AOC1: variants seen among roughly 807,000 people sequenced by gnomAD.
AOC1 encodes the protein diamine oxidase [copper-containing].
In AOC1, 58 loss-of-function variants were observed where a neutral mutation model predicts 57.1. The ratio of observed to expected loss-of-function variants is 1.02; its 90% CI spans 0.82 to 1.26. The LOEUF (loss-of-function observed/expected upper bound fraction) is 1.26. Ranked by LOEUF, AOC1 falls within the 50% of genes most tolerant of loss-of-function variation. The pLI is 0.00. For synonymous variants in AOC1, 401 were observed against 423.4 expected (o/e 0.95, Z 0.65); for missense variants, 917 against 1,005.3 (o/e 0.91, Z 1.19).
chr7:150,855,894 G>T (rs1799754393), intron 1 of AOC1, among the ~76,000 whole-genome samples: 1 of 151,410 alleles, frequency 6.6e-6, no homozygotes, highest in South Asian at 2.1e-4. Flanking sequence ...GAACATGAAG[G>T]CCCAGAGAGT....
Position 150,861,185 on chromosome 7 carries a change from C to G in AOC1, c.2232C>G (p.Tyr744Ter). Residue 744 changes from tyrosine (Y) to a stop codon, truncating the protein, a stop_gained, in exon 5 of 5, where the codon TAC (tyrosine) becomes TAG (stop). Transcript: ENST00000360937. LOFTEE classifies it high-confidence loss of function. The surrounding 1 kb of genome is among the most constrained non-coding windows in gnomAD (Gnocchi z 4.5). ...RDCSMPPPFS[Y>*]NGTYRPV ...GCTCGATGCCTCCCCCTTTTAGCTACAATGGGACCTATAGACCTGTGTGAC... is the reference window on the plus strand; with the variant it reads ...GCTCGATGCCTCCCCCTTTTAGCTAGAATGGGACCTATAGACCTGTGTGAC... 6.2e-7 allele frequency: 1 copy of G among 1,604,086 alleles called. No individual in the cohort carries two copies. The highest frequency in any genetic ancestry group is 1.1e-5 in the South Asian group (1 of 90,036).
rs764933835 is a variant in AOC1 at position 150,857,507 on chromosome 7, T to C, written c.1037T>C (p.Ile346Thr). The C allele has an allele frequency of 1.2e-6, 2 of 1,613,842 alleles. No homozygotes were observed. The highest frequency in any genetic ancestry group is 2.2e-5 in the East Asian group (1 of 44,872). ...VLNVHFGGER[I>T]AYEVSVQEAV... ...AACGTGCACTTCGGCGGAGAGCGCA[T>C]TGCCTATGAGGTCAGCGTGCAAGAG... Residue 346 changes from isoleucine to threonine, a missense_variant, in exon 2 of 5, where the codon ATT becomes ACT. Physicochemically the swap from Ile to Thr is moderately conservative, Grantham distance 89. Transcript: ENST00000360937. The surrounding 1 kb of genome is among the most constrained non-coding windows in gnomAD (Gnocchi z 6.6).
chr7:150,860,794 G>A, intron 4 of AOC1, 149 bp from the exon 5 acceptor site: 1 of 1,356,744 alleles, frequency 7.4e-7, no homozygotes, highest in Non-Finnish European at 1.0e-6. Flanking sequence ...AAGTTCAGAG[G>A]TCACAACAGA....
In AOC1 at chr7:150,858,995, C is replaced by T. The variant is rs201668738; in HGVS notation, c.1803C>T (p.Ala601=). 1,128 of 1,595,248 alleles carry T rather than the reference C, an allele frequency of 7.1e-4. 4 individuals carry two copies. The highest frequency in any genetic ancestry group is 9.2e-4 in the Non-Finnish European group (1,070 of 1,166,144). Residue 601 remains alanine, a synonymous_variant, in exon 3 of 5, where the codon GCC becomes GCT. Coordinates refer to ENST00000360937, the MANE Select transcript of AOC1 (RefSeq NM_001091.4). ...ACCGCCTGCAGATCCACTCCATGGC[C>T]GACCAGGTGCTGCCCCCAGGCTGGC... ...RTYRLQIHSM[A]DQVLPPGWQE... is the part of the protein sequence containing the mutation.
In AOC1 at chr7:150,856,947, C is replaced by T. The variant is rs371090794; in HGVS notation, c.477C>T (p.Thr159=). 244 of 1,614,160 alleles carry T rather than the reference C, an allele frequency of 1.5e-4. No individual in the cohort carries two copies. The African/African-American group carries it at 2.7e-3, about 18-fold the overall frequency. The change falls in exon 2 of 5, where the codon ACC becomes ACT. Residue 159 remains threonine (T), a synonymous_variant. Transcript: ENST00000360937. The surrounding 1 kb of genome is among the most constrained non-coding windows in gnomAD (Gnocchi z 5.2). ...ALLYHTLQEA[T]KPLHQFFLNT... ...TCTACCACACCCTGCAGGAAGCCAC[C>T]AAGCCCCTGCATCAGTTCTTCCTCA...
At chr7:150,860,428 G>A (rs767282755) in intron 3 of AOC1, 73 bp from the exon 4 acceptor site, 21 of 1,607,944 alleles carry the variant, frequency 1.3e-5, no homozygotes, top group Non-Finnish European at 1.6e-5. Context: ...TGACCCTGAG[G>A]CTGTTCCCTG....
chr7:150,861,279 C>A lies in AOC1; in HGVS notation c.*70C>A, dbSNP rs564477233. 6 of 1,467,428 alleles carry A rather than the reference C, an allele frequency of 4.1e-6. No homozygotes were observed. In the East Asian group the frequency reaches 9.5e-5, roughly 23 times the overall value. 90.9% of individuals were successfully genotyped at this position (1,467,428 alleles called of 1,614,324 possible). On this transcript the variant is annotated 3_prime_UTR_variant, in exon 5 of 5. Coordinates refer to ENST00000360937, the MANE Select transcript of AOC1 (RefSeq NM_001091.4). This position sits in a 1 kb window ranked among gnomAD's most constrained non-coding sequence, Gnocchi z 4.5. ...GCCTCACTGGGGCAGACAATAAACC[C>A]TCAGAGCCTCGCTCTGTGTGCTGCT...
In AOC1 at chr7:150,857,931, C is replaced by T. The variant is rs1331583587; in HGVS notation, c.1461C>T (p.Ala487=). ...TGCATGCCACTGGCTACGTCCACGC[C>T]ACCTTCTACACCCCCGAGGGGCTGC... The part of the protein sequence containing the change: ...AKMHATGYVH[A]TFYTPEGLRH... Residue 487 remains alanine, a synonymous_variant, in exon 2 of 5, where the codon GCC becomes GCT. Coordinates refer to ENST00000360937, the MANE Select transcript of AOC1 (RefSeq NM_001091.4). The surrounding 1 kb of genome is among the most constrained non-coding windows in gnomAD (Gnocchi z 6.6). The T allele has an allele frequency of 1.2e-6, 2 of 1,611,488 alleles. No individual in the cohort carries two copies. Among genetic ancestry groups the T allele is most frequent in the African/African-American group, 2.7e-5 (2 of 74,916 alleles).
In AOC1 at chr7:150,861,372, GCACA is replaced by G. The variant is rs923806315; in HGVS notation, c.*172_*175del. 35 of 743,232 alleles carry G rather than the reference GCACA, an allele frequency of 4.7e-5. No individual in the cohort carries two copies. The highest frequency in any genetic ancestry group is 4.3e-4 in the African/African-American group (24 of 56,354). 46.0% of individuals were successfully genotyped at this position (743,232 alleles called of 1,614,324 possible). ...AACAGACGTGCACACACACAGACGT[GCACA>G]CACACACAGACATGCACACACACAC... On this transcript the variant is annotated 3_prime_UTR_variant, in exon 5 of 5. Transcript: ENST00000360937. The surrounding 1 kb of genome is among the most constrained non-coding windows in gnomAD (Gnocchi z 4.5).
rs543446294 is a variant in AOC1 at position 150,857,333 on chromosome 7, G to A, written c.863G>A (p.Arg288His). The change falls in exon 2 of 5, where the codon CGC becomes CAC. Residue 288 changes from arginine to histidine, a missense_variant. Coordinates refer to ENST00000360937, the MANE Select transcript of AOC1 (RefSeq NM_001091.4). This position sits in a 1 kb window ranked among gnomAD's most constrained non-coding sequence, Gnocchi z 6.6. The stretch of plus-strand genomic sequence containing the variant: ...CCCCTCTTCTCCTCCCACAAGCCCC[G>A]CGGGGACTTCCCCAGCCCCATCCAT... ...EPPLFSSHKP[R>H]GDFPSPIHVS... is the part of the protein sequence containing the mutation. 27 of 1,601,212 alleles carry A rather than the reference G, an allele frequency of 1.7e-5. No individual in the cohort carries two copies. The East Asian group carries it at 4.5e-4, about 27-fold the overall frequency.
At chr7:150,858,669 G>A in intron 2 of AOC1, 94 bp from the exon 3 acceptor site, 1 of 1,337,002 alleles carries the variant, frequency 7.5e-7, no homozygotes, top group Non-Finnish European at 1.0e-6. Context: ...GTTGGCTGTT[G>A]GATGTGGTGG....
chr7:150,861,470 A>C lies in AOC1; in HGVS notation c.*261A>C. The C allele has an allele frequency of 5.0e-6, 2 of 396,388 alleles. No individual in the cohort carries two copies. Among genetic ancestry groups the C allele is most frequent in the East Asian group, 3.7e-5 (1 of 26,726 alleles). 24.6% of individuals were successfully genotyped at this position (396,388 alleles called of 1,614,324 possible). On this transcript the variant is annotated 3_prime_UTR_variant, in exon 5 of 5. Coordinates refer to ENST00000360937, the MANE Select transcript of AOC1 (RefSeq NM_001091.4). The surrounding 1 kb of genome is among the most constrained non-coding windows in gnomAD (Gnocchi z 4.5). ...CACACACATGGCATGTACTTTATTC[A>C]CACTGGTCTACTGCAGTCCAGAAAA...
Position 150,856,539 on chromosome 7 carries a change from G to C in AOC1, c.69G>C (p.Pro23=). The C allele has an allele frequency of 1.2e-6, 2 of 1,613,896 alleles. No individual in the cohort carries two copies. Among genetic ancestry groups the C allele is most frequent in the Non-Finnish European group, 1.7e-6 (2 of 1,179,798 alleles). ...AGACGGCCATGGCGGAGCCCTCCCC[G>C]GGGACTCTGCCCAGGAAGGCAGGGG... The part of the protein sequence containing the change: ...MLQTAMAEPS[P]GTLPRKAGVF... Residue 23 remains proline (P), a synonymous_variant, in exon 2 of 5, where the codon CCG becomes CCC. Coordinates refer to ENST00000360937, the MANE Select transcript of AOC1 (RefSeq NM_001091.4). This position sits in a 1 kb window ranked among gnomAD's most constrained non-coding sequence, Gnocchi z 5.2.
rs763646001 is a variant in AOC1, at chr7:150,860,412, C to G, written c.1857-89C>G. On this transcript the variant is annotated intron_variant, in intron 3 of 4. Transcript: ENST00000360937. ...TCTTGGGGAAGGCAATCATCTTCCT[C>G]TATTCTGACCCTGAGGCTGTTCCCT... 2.5e-6 allele frequency: 4 copies of G among 1,598,560 alleles called. No homozygotes were observed. The East Asian group carries it at 8.9e-5, about 36-fold the overall frequency.
chr7:150,857,165 C>T lies in AOC1; in HGVS notation c.695C>T (p.Ala232Val), dbSNP rs1436080885. 3.7e-6 allele frequency: 6 copies of T among 1,613,700 alleles called. No homozygotes were observed. The African/African-American group carries it at 8.0e-5, about 22-fold the overall frequency. ...DHGSTDAGHW[A>V]VEQVWYNGKF... ...GGGAGCACAGATGCTGGGCACTGGGCCGTGGAGCAGGTGTGGTACAACGGG... is the reference window on the plus strand; with the variant it reads ...GGGAGCACAGATGCTGGGCACTGGGTCGTGGAGCAGGTGTGGTACAACGGG... The change falls in exon 2 of 5, where the codon GCC (alanine) becomes GTC (valine). Residue 232 changes from alanine (A) to valine (V), a missense_variant. Transcript: ENST00000360937. This position sits in a 1 kb window ranked among gnomAD's most constrained non-coding sequence, Gnocchi z 6.6.
rs1799801045 is a variant in AOC1 at position 150,857,067 on chromosome 7, T to C, written c.597T>C (p.Ser199=). 4 of 1,614,132 alleles carry C rather than the reference T, an allele frequency of 2.5e-6. No homozygotes were observed. The highest frequency in any genetic ancestry group is 3.4e-6 in the Non-Finnish European group (4 of 1,179,988). Residue 199 remains serine (S), a synonymous_variant, in exon 2 of 5, where the codon AGT becomes AGC. Transcript: ENST00000360937. This position sits in a 1 kb window ranked among gnomAD's most constrained non-coding sequence, Gnocchi z 6.6. ...GTGTGGCTTCTGGCCAGCGCCGCAGTTGGCTTATCATACAGCGCTATGTAG... is the reference window on the plus strand; with the variant it reads ...GTGTGGCTTCTGGCCAGCGCCGCAGCTGGCTTATCATACAGCGCTATGTAG... ...PRGVASGQRR[S]WLIIQRYVEG... is the part of the protein sequence containing the mutation.
In AOC1 at chr7:150,861,342, A is replaced by C; in HGVS notation, c.*133A>C. The stretch of plus-strand genomic sequence containing the variant: ...GCACAGGGCCATGTGTGTAGGAAAC[A>C]CACGAACAGACGTGCACACACACAG... On this transcript the variant is annotated 3_prime_UTR_variant, in exon 5 of 5. Transcript: ENST00000360937. The surrounding 1 kb of genome is among the most constrained non-coding windows in gnomAD (Gnocchi z 4.5). 1.9e-6 allele frequency: 2 copies of C among 1,066,036 alleles called. No homozygotes were observed. The highest frequency in any genetic ancestry group is 2.6e-6 in the Non-Finnish European group (2 of 763,786). The allele number at this position is 1,066,036 out of a possible 1,614,324, so 66.0% of individuals were successfully genotyped here. A position where few individuals can be genotyped will look rare whatever the true frequency, so the allele number is the denominator to read the frequency against.
rs754151838 is a variant in AOC1, at chr7:150,857,267, C to A, written c.797C>A (p.Pro266Gln). 1.2e-6 allele frequency: 2 copies of A among 1,609,106 alleles called. No individual in the cohort carries two copies. Among genetic ancestry groups the A allele is most frequent in the Non-Finnish European group, 1.7e-6 (2 of 1,177,498 alleles). Residue 266 changes from proline to glutamine, a missense_variant, in exon 2 of 5, where the codon CCG (proline) becomes CAG (glutamine). Physicochemically the swap from Pro to Gln is moderately conservative, Grantham distance 76. Coordinates refer to ENST00000360937, the MANE Select transcript of AOC1 (RefSeq NM_001091.4). The surrounding 1 kb of genome is among the most constrained non-coding windows in gnomAD (Gnocchi z 6.6). ...GEVDVVVLED[P>Q]LPGGKGHDST... is the part of the protein sequence containing the mutation. ...GTGGACGTGGTGGTCCTGGAGGACC[C>A]GCTGCCTGGGGGCAAGGGGCATGAC...
In AOC1 at chr7:150,861,339, A is replaced by G. The variant is rs975439785; in HGVS notation, c.*130A>G. On this transcript the variant is annotated 3_prime_UTR_variant, in exon 5 of 5. Transcript: ENST00000360937. The surrounding 1 kb of genome is among the most constrained non-coding windows in gnomAD (Gnocchi z 4.5). Reference sequence around the variant, plus strand: ...GAGGCACAGGGCCATGTGTGTAGGAAACACACGAACAGACGTGCACACACA... The same window carrying G: ...GAGGCACAGGGCCATGTGTGTAGGAGACACACGAACAGACGTGCACACACA... 5.4e-6 allele frequency: 6 copies of G among 1,102,932 alleles called. No individual in the cohort carries two copies. In the African/African-American group the frequency reaches 1.0e-4, roughly 19 times the overall value. 68.3% of individuals were successfully genotyped at this position (1,102,932 alleles called of 1,614,324 possible).
Sources: gnomAD v4.1 joint callset for allele counts (sites outside exome capture counted in the v4.1 genomes callset) on GRCh38, gnomAD v4.1.1 for gene constraint, Gnocchi (gnomAD v3.1) non-coding constraint, MANE v1.5 for transcripts, NCBI Gene and HGNC (gene_info 2026-07-23, HGNC 2026-07-21) for gene names.